The following EPAS1 variants were observed in gnomAD, a reference collection of about 807,000 sequenced individuals.
The protein encoded by EPAS1 is endothelial PAS domain-containing protein 1.
In EPAS1, 23 loss-of-function variants were observed where a neutral mutation model predicts 87.9. The observed-to-expected ratio is 0.26, with a 90% CI of 0.19 to 0.37. The LOEUF (loss-of-function observed/expected upper bound fraction) is 0.37, where lower values mean the gene tolerates loss of function less well. EPAS1 is among the 10% of genes least tolerant of loss of function. The pLI is 1.00. For missense variants in EPAS1, 1,138 were observed against 1,120.7 expected (o/e 1.02, Z -0.22); for synonymous variants, 508 against 444.3 (o/e 1.14, Z -1.80).
rs59795642 is a variant in EPAS1 at position 46,375,200 on chromosome 2, CAAAA to C, written c.887-485_887-482del. ...GCTGAAAAAAAAAAACAAAAAAAAACAAAAAAAACTGCCCTGAGGTCAGGCTTTC... is the reference window on the plus strand; with the variant it reads ...GCTGAAAAAAAAAAACAAAAAAAAACAAAACTGCCCTGAGGTCAGGCTTTC... On this transcript the variant is annotated intron_variant, in intron 7 of 15. Transcript: ENST00000263734. The surrounding 1 kb of genome is among the most constrained non-coding windows in gnomAD (Gnocchi z 4.1). 8.1e-6 allele frequency among the ~76,000 whole-genome samples: 1 copy of C among 123,330 alleles called. No homozygotes were observed. The highest frequency in any genetic ancestry group is 2.8e-4 in the South Asian group (1 of 3,610). 80.9% of individuals were successfully genotyped at this position (123,330 alleles called of 152,430 possible). A position where few individuals can be genotyped will look rare whatever the true frequency, so the allele number is the denominator to read the frequency against.
chr2:46,323,091 A>AG (rs2104851046), intron 1 of EPAS1, among the ~76,000 whole-genome samples: 1 of 152,252 alleles, frequency 6.6e-6, no homozygotes, highest in Admixed American at 6.5e-5. Context: ...TGTGAAGCAC[A>AG]GCACTCCCAT....
Position 46,386,134 on chromosome 2 carries a change from G to A in EPAS1, c.*1474G>A, listed in dbSNP as rs549559744. Reference sequence around the variant, plus strand: ...GGGTCGGTCAGTGACATGTAGGTAGGAAGCACTGAAAATAGTGTTCCCAGA... The same window carrying A: ...GGGTCGGTCAGTGACATGTAGGTAGAAAGCACTGAAAATAGTGTTCCCAGA... On this transcript the variant is annotated 3_prime_UTR_variant, in exon 16 of 16. Coordinates refer to ENST00000263734, the MANE Select transcript of EPAS1 (RefSeq NM_001430.5). 6.5e-6 allele frequency: 1 copy of A among 152,788 alleles called. No homozygotes were observed. Among genetic ancestry groups the A allele is most frequent in the South Asian group, 2.1e-4 (1 of 4,830 alleles). 9.5% of individuals were successfully genotyped at this position (152,788 alleles called of 1,614,324 possible).
chr2:46,306,405 G>A (rs1288515599), intron 1 of EPAS1, among the ~76,000 whole-genome samples: 1 of 152,176 alleles, frequency 6.6e-6, no homozygotes, highest in African/African-American at 2.4e-5. Flanking sequence ...ACCTAGAAGT[G>A]GACCTGGTTG....
At chr2:46,340,505 C>G (rs1250958544) in intron 1 of EPAS1, among the ~76,000 whole-genome samples, 1 of 152,174 alleles carries the variant, frequency 6.6e-6, no homozygotes, top group African/African-American at 2.4e-5. Flanking sequence ...CATGTCTTCT[C>G]TCTTCTTTGT....
chr2:46,308,339 A>G (rs1372117938), intron 1 of EPAS1, among the ~76,000 whole-genome samples: 2 of 151,282 alleles, frequency 1.3e-5, no homozygotes, highest in Non-Finnish European at 2.9e-5. Context: ...GAGCCTGCTT[A>G]TATTTCCTTG....
chr2:46,384,214 T>C (rs560003739), intron 15 of EPAS1, among the ~76,000 whole-genome samples: 2 of 152,348 alleles, frequency 1.3e-5, no homozygotes, highest in African/African-American at 4.8e-5. Flanking sequence ...TCCTCCCTGC[T>C]GCCAGGAGGC....
Position 46,384,734 on chromosome 2 carries a change from A to C in EPAS1, c.*74A>C. 2 of 1,566,032 alleles carry C rather than the reference A, an allele frequency of 1.3e-6. No homozygotes were observed. Among genetic ancestry groups the C allele is most frequent in the Non-Finnish European group, 1.7e-6 (2 of 1,156,042 alleles). ...CTTCACTCTCTCCGTCTGTTTTTGC[A>C]ACTAGGTATTTCTAACGCCAGCACA... On this transcript the variant is annotated 3_prime_UTR_variant, in exon 16 of 16. Transcript: ENST00000263734.
intron 1 of EPAS1, among the ~76,000 whole-genome samples, chr2:46,306,816 G>A (rs1414488965): frequency 1.3e-5 from 2 of 152,196 alleles, no homozygotes; most frequent in Non-Finnish European, 2.9e-5. Context: ...ATGGGGAAAT[G>A]AGACACAATG....
chr2:46,375,765 C>A lies in EPAS1; in HGVS notation c.962C>A (p.Thr321Asn). 1 of 1,614,198 alleles carries A rather than the reference C, an allele frequency of 6.2e-7. No individual in the cohort carries two copies. The highest frequency in any genetic ancestry group is 8.5e-7 in the Non-Finnish European group (1 of 1,180,042). The change falls in exon 8 of 16, where the codon ACC (threonine) becomes AAC (asparagine). Residue 321 changes from threonine (T) to asparagine (N), a missense_variant. Thr to Asn is a moderately conservative substitution (Grantham distance 65). Around this residue, in one of 4 missense-constraint regions of EPAS1, gnomAD observed 351 missense variants for 417.1 expected, o/e 0.84. Transcript: ENST00000263734. This position sits in a 1 kb window ranked among gnomAD's most constrained non-coding sequence, Gnocchi z 4.1. ...CATGGGGGCTACGTGTGGCTGGAGA[C>A]CCAGGGGACGGTCATCTACAACCCT... Reference protein sequence around the residue: ...AKHGGYVWLETQGTVIYNPRN... With the variant: ...AKHGGYVWLENQGTVIYNPRN...
intron 1 of EPAS1, among the ~76,000 whole-genome samples, chr2:46,306,333 C>T (rs1458285929): frequency 1.3e-5 from 2 of 152,174 alleles, no homozygotes; most frequent in Non-Finnish European, 2.9e-5. Context: ...AGCATGCTTT[C>T]CTTCCTTTAT....
In EPAS1 at chr2:46,380,195, C is replaced by T. The variant is rs1684854296; in HGVS notation, c.1555-32C>T. 3.7e-6 allele frequency: 6 copies of T among 1,603,784 alleles called. No homozygotes were observed. The highest frequency in any genetic ancestry group is 1.6e-4 in the Middle Eastern group (1 of 6,084). The stretch of plus-strand genomic sequence containing the variant: ...GTGTTTGTGAGGTCGTACCAACCCC[C>T]TTGCCTCTTTGCCGGTGCTGTCTCC... On this transcript the variant is annotated intron_variant, in intron 11 of 15. Coordinates refer to ENST00000263734, the MANE Select transcript of EPAS1 (RefSeq NM_001430.5). This position sits in a 1 kb window ranked among gnomAD's most constrained non-coding sequence, Gnocchi z 4.4.
intron 4 of EPAS1, among the ~76,000 whole-genome samples, chr2:46,358,951 T>G (rs1343889966): frequency 6.6e-6 from 1 of 152,004 alleles, no homozygotes; most frequent in Admixed American, 6.6e-5. Context: ...GTGATCTGTG[T>G]GGAGCAGTGT....
intron 1 of EPAS1, among the ~76,000 whole-genome samples, chr2:46,310,241 G>T (rs996313520): frequency 6.6e-6 from 1 of 152,124 alleles, no homozygotes; most frequent in African/African-American, 2.4e-5. Context: ...ATTTGATAAG[G>T]TTCTCTTTCT....
intron 2 of EPAS1, among the ~76,000 whole-genome samples, chr2:46,349,270 G>A (rs1425818489): frequency 3.3e-5 from 5 of 152,198 alleles, no homozygotes; most frequent in Admixed American, 2.6e-4. Context: ...CGTTTTGCAT[G>A]CTTGCCCTCC....
At position 46,325,186 on chromosome 2, in the gene EPAS1, G is replaced by A. The variant is rs146082249; in HGVS notation, c.27-21687G>A. ...TGGATCCAGTACTCTCCAGTGGGCA[G>A]TGCTCTGTATGTTCTAGGTTAGAGT... On this transcript the variant is annotated intron_variant, in intron 1 of 15. Coordinates refer to ENST00000263734, the MANE Select transcript of EPAS1 (RefSeq NM_001430.5). Among the ~76,000 whole-genome samples the A allele has an allele frequency of 5.3e-5, 8 of 152,350 alleles. No individual in the cohort carries two copies. In the East Asian group the frequency reaches 1.5e-3, roughly 29 times the overall value.
Position 46,356,810 on chromosome 2 carries a change from T to C in EPAS1, c.454+2T>C, listed in dbSNP as rs1177754488. The C allele has an allele frequency of 6.2e-7, 1 of 1,609,392 alleles. No homozygotes were observed. Among genetic ancestry groups the C allele is most frequent in the Admixed American group, 1.7e-5 (1 of 60,012 alleles). On this transcript the variant is annotated splice_donor_variant, in intron 4 of 15. Transcript: ENST00000263734. LOFTEE classifies it high-confidence loss of function. ...GTGAGAACCTGAGTCTCAAAAATGGTATCCTTAATTGTGTTTACTTCCTTC... is the reference window on the plus strand; with the variant it reads ...GTGAGAACCTGAGTCTCAAAAATGGCATCCTTAATTGTGTTTACTTCCTTC...
At chr2:46,308,184 C>G (rs1558582113) in intron 1 of EPAS1, among the ~76,000 whole-genome samples, 1 of 152,138 alleles carries the variant, frequency 6.6e-6, no homozygotes, top group Non-Finnish European at 1.5e-5. Flanking sequence ...ATGCTTTTCC[C>G]CTCTCTTCCT....
rs1684995863 is a variant in EPAS1, at chr2:46,385,442, C to T, written c.*782C>T. Reference sequence around the variant, plus strand: ...ATGGGTACTTTGTAATATCTAAAAACTTAGAAACGGAAATGGAATCCTGCT... The same window carrying T: ...ATGGGTACTTTGTAATATCTAAAAATTTAGAAACGGAAATGGAATCCTGCT... On this transcript the variant is annotated 3_prime_UTR_variant, in exon 16 of 16. Transcript: ENST00000263734. 6.6e-6 allele frequency: 1 copy of T among 152,256 alleles called. No individual in the cohort carries two copies. Among genetic ancestry groups the T allele is most frequent in the South Asian group, 2.1e-4 (1 of 4,832 alleles). The allele number at this position is 152,256 out of a possible 1,614,324, so 9.4% of individuals were successfully genotyped here.
Position 46,356,807 on chromosome 2 carries a change from T to C in EPAS1, c.453T>C (p.Asn151=). 6.2e-7 allele frequency: 1 copy of C among 1,611,178 alleles called. No individual in the cohort carries two copies. Among genetic ancestry groups the C allele is most frequent in the Admixed American group, 1.7e-5 (1 of 60,018 alleles). Residue 151 remains asparagine, a splice_region_variant and synonymous_variant, in exon 4 of 16, where the codon AAT becomes AAC. Transcript: ENST00000263734. ...EEIRENLSLK[N]GSGFGKKSKD... ...TTCGTGAGAACCTGAGTCTCAAAAATGGTATCCTTAATTGTGTTTACTTCC... is the reference window on the plus strand; with the variant it reads ...TTCGTGAGAACCTGAGTCTCAAAAACGGTATCCTTAATTGTGTTTACTTCC...
Sources: allele counts gnomAD v4.1 joint callset (sites outside exome capture counted in the v4.1 genomes callset), GRCh38; gene constraint gnomAD v4.1.1; regional missense constraint gnomAD v4.1.1; non-coding constraint Gnocchi (gnomAD v3.1); transcripts MANE v1.5; gene names NCBI Gene and HGNC (gene_info 2026-07-23, HGNC 2026-07-21).